The following MARCHF1 variants were observed in gnomAD, a reference collection of about 807,000 sequenced individuals.
MARCHF1 encodes the protein E3 ubiquitin-protein ligase MARCHF1.
Under a neutral mutation model 54.2 loss-of-function variants are expected in MARCHF1, and 40 were observed. The observed-to-expected ratio is 0.74, with a 90% CI of 0.57 to 0.96. MARCHF1 has a LOEUF of 0.96. MARCHF1 is among the 40% of genes least tolerant of loss of function. The pLI is 0.00. For missense variants in MARCHF1, 586 were observed against 656.5 expected, an observed-to-expected ratio of 0.89 and a Z score of 1.17; for synonymous variants, 236 against 236.3, an observed-to-expected ratio of 1.00 and a Z score of 0.01.
At chr4:163,645,315 C>T (rs1277144840) in intron 5 of MARCHF1, among the ~76,000 whole-genome samples, 1 of 152,122 alleles carries the variant, frequency 6.6e-6, no homozygotes, top group African/African-American at 2.4e-5. Flanking sequence ...GACTCCAGCC[C>T]CATACAACCG....
At chr4:163,638,188 C>T (rs936891666) in intron 5 of MARCHF1, among the ~76,000 whole-genome samples, 5 of 147,406 alleles carry the variant, frequency 3.4e-5, no homozygotes, top group Admixed American at 1.4e-4. Context: ...CACATGTATA[C>T]GTATGTAACT....
chr4:164,307,751 A>G (rs1734734542), intron 1 of MARCHF1, among the ~76,000 whole-genome samples: 2 of 152,210 alleles, frequency 1.3e-5, no homozygotes, highest in South Asian at 4.1e-4. Flanking sequence ...AATTCGTGTT[A>G]CAGTTAGTTA....
At chr4:163,597,439 T>C (rs1740812361) in intron 7 of MARCHF1, among the ~76,000 whole-genome samples, 1 of 152,208 alleles carries the variant, frequency 6.6e-6, no homozygotes, top group Non-Finnish European at 1.5e-5. Flanking sequence ...AAAAGCTGTG[T>C]ATGAAGTTTA....
intron 1 of MARCHF1, among the ~76,000 whole-genome samples, chr4:164,335,225 C>T (rs1174610126): frequency 6.6e-6 from 1 of 152,142 alleles, no homozygotes; most frequent in African/African-American, 2.4e-5. Flanking sequence ...AAAAGCAACA[C>T]ATGCTGCAGA....
At chr4:163,991,335 A>C (rs1449797742) in intron 2 of MARCHF1, among the ~76,000 whole-genome samples, 1 of 152,162 alleles carries the variant, frequency 6.6e-6, no homozygotes, top group East Asian at 1.9e-4. Context: ...ACATGCTTTT[A>C]ATACTTTGTA....
At position 163,794,970 on chromosome 4, in the gene MARCHF1, A is replaced by G. The variant is rs542011786; in HGVS notation, c.111+59051T>C. On this transcript the variant is annotated intron_variant, in intron 4 of 9. Transcript: ENST00000514618. ...GCCTCCCCACCTTGCTCTATTTCCA[A>G]TCTGTCTTGACTATTCTTCACCTAT... is the stretch of plus-strand genomic sequence containing the variant. Among the ~76,000 whole-genome samples, 18 of 152,296 alleles carry G rather than the reference A, an allele frequency of 1.2e-4. No individual in the cohort carries two copies. The South Asian group carries it at 3.1e-3, about 26-fold the overall frequency.
chr4:163,779,460 A>G (rs1020363741), intron 4 of MARCHF1, among the ~76,000 whole-genome samples: 1 of 149,222 alleles, frequency 6.7e-6, no homozygotes, highest in African/African-American at 2.5e-5. Context: ...AGGAGGATTG[A>G]AATTTTGTAG....
rs893789390 is a variant in MARCHF1, at chr4:164,058,784, T to C, written c.-248+52804A>G. Among the ~76,000 whole-genome samples, 9 of 152,136 alleles carry C rather than the reference T, an allele frequency of 5.9e-5. No individual in the cohort carries two copies. The East Asian group carries it at 1.7e-3, about 29-fold the overall frequency. On this transcript the variant is annotated intron_variant, in intron 2 of 9. Coordinates refer to ENST00000514618, the MANE Select transcript of MARCHF1 (RefSeq NM_001394959.1). ...GGAAAACCATGGTGGAAAGGGGTAG[T>C]GGAAAATATTTTGGGGGGAATGGTT...
intron 5 of MARCHF1, among the ~76,000 whole-genome samples, chr4:163,622,656 G>T (rs1741730490): frequency 6.6e-6 from 1 of 152,138 alleles, no homozygotes; most frequent in South Asian, 2.1e-4. Flanking sequence ...AGTTGTAGGA[G>T]AAAGTTATCT....
intron 4 of MARCHF1, among the ~76,000 whole-genome samples, chr4:163,753,498 A>G (rs1746582996): frequency 1.3e-5 from 2 of 152,044 alleles, no homozygotes; most frequent in South Asian, 4.1e-4. Context: ...AGTTGTCTGT[A>G]GGAGAGAAGA....
At chr4:163,749,797 C>T (rs1561056775) in intron 4 of MARCHF1, among the ~76,000 whole-genome samples, 1 of 152,020 alleles carries the variant, frequency 6.6e-6, no homozygotes, top group Non-Finnish European at 1.5e-5. Flanking sequence ...GGTGTGGTGA[C>T]TCACACCTGT....
intron 1 of MARCHF1, among the ~76,000 whole-genome samples, chr4:164,368,163 T>C (rs145666677): frequency 2.0e-5 from 3 of 149,518 alleles, no homozygotes; most frequent in Admixed American, 1.3e-4. Flanking sequence ...TGATTTTTCT[T>C]ATATATGTTT....
At position 163,872,907 on chromosome 4, in the gene MARCHF1, G is replaced by A. The variant is rs937975702; in HGVS notation, c.-38-18738C>T. ...AAAATACAAAAAATTAGCCGGGCGT[G>A]GTGGCGGGCGCCTGTAGTCCCAGCT... On this transcript the variant is annotated intron_variant, in intron 3 of 9. Coordinates refer to ENST00000514618, the MANE Select transcript of MARCHF1 (RefSeq NM_001394959.1). 3.9e-5 allele frequency among the ~76,000 whole-genome samples: 6 copies of A among 152,186 alleles called. No individual in the cohort carries two copies. In the East Asian group the frequency reaches 5.8e-4, roughly 15 times the overall value.
intron 8 of MARCHF1, among the ~76,000 whole-genome samples, chr4:163,546,748 A>G (rs1047508738): frequency 6.6e-6 from 1 of 152,218 alleles, no homozygotes; most frequent in African/African-American, 2.4e-5. Context: ...CACTCCTGAG[A>G]AAGTTGAGGG....
At chr4:163,841,676 C>T (rs1230822025) in intron 4 of MARCHF1, among the ~76,000 whole-genome samples, 1 of 152,008 alleles carries the variant, frequency 6.6e-6, no homozygotes, top group Non-Finnish European at 1.5e-5. Context: ...AATTATTCAA[C>T]CCATGAAAAC....
chr4:164,069,626 A>G (rs763617833), intron 2 of MARCHF1, among the ~76,000 whole-genome samples: 12 of 152,034 alleles, frequency 7.9e-5, no homozygotes, highest in Admixed American at 2.0e-4. Context: ...AACTCCGAAC[A>G]CATCCGAACA....
intron 5 of MARCHF1, among the ~76,000 whole-genome samples, chr4:163,691,748 T>C (rs1247491587): frequency 6.6e-5 from 10 of 152,168 alleles, no homozygotes; most frequent in Admixed American, 5.9e-4. Flanking sequence ...AATTTGAAAC[T>C]TAAATGGATC....
chr4:164,109,922 A>AAAAAAAAAAAAAAAAAAAAAT (rs1755796991), intron 2 of MARCHF1, among the ~76,000 whole-genome samples: 1 of 149,048 alleles, frequency 6.7e-6, no homozygotes, highest in Non-Finnish European at 1.5e-5. Flanking sequence ...TAAAAAAAAA[A>AAAAAAAAAAAAAAAAAAAAAT]AAAAAAAAAA....
chr4:164,373,644 C>T (rs951401326), intron 1 of MARCHF1, among the ~76,000 whole-genome samples: 10 of 151,850 alleles, frequency 6.6e-5, no homozygotes, highest in East Asian at 5.8e-4. Context: ...CGTGAGTCAC[C>T]GTGCCCAGCC....
Sources: allele counts gnomAD v4.1 joint callset (sites outside exome capture counted in the v4.1 genomes callset), GRCh38; gene constraint gnomAD v4.1.1; transcripts MANE v1.5; gene names NCBI Gene and HGNC (gene_info 2026-07-23, HGNC 2026-07-21).